Variants in DPYSL3 observed in about 807,000 individuals in gnomAD.
DPYSL3 encodes dihydropyrimidinase like 3.
Under a neutral mutation model 66.1 loss-of-function variants are expected in DPYSL3, and 16 were observed. That is an observed-to-expected ratio of 0.24 (90% CI 0.16 to 0.37). The LOEUF (loss-of-function observed/expected upper bound fraction) is 0.37, where lower values mean the gene tolerates loss of function less well. Ranked by LOEUF, DPYSL3 falls within the 10% of genes least tolerant of loss-of-function variation. The pLI, the probability that DPYSL3 is intolerant of heterozygous loss-of-function variation, is 1.00. For synonymous variants in DPYSL3, 338 were observed against 345.1 expected (o/e 0.98, Z 0.23); for missense variants, 738 against 916.2 (o/e 0.81, Z 2.51).
intron 1 of DPYSL3, among the ~76,000 whole-genome samples, chr5:147,472,372 A>C (rs1429499623): frequency 6.6e-6 from 1 of 152,230 alleles, no homozygotes; most frequent in Admixed American, 6.5e-5. Flanking sequence ...GAAGAAAAAG[A>C]AAAGTCAAGG....
intron 8 of DPYSL3, chr5:147,401,915 T>C (rs1241608463): frequency 2.2e-6 from 1 of 452,858 alleles, no homozygotes; most frequent in African/African-American, 2.1e-5. Flanking sequence ...CCATTGGTTG[T>C]TAGATGCAGT....
Position 147,507,176 on chromosome 5 carries a change from G to T in DPYSL3, c.381+2302C>A, listed in dbSNP as rs1479835661. ...ATTAAGCTGCTGAGAGTTGGGGGTT[G>T]TTTGTTACTATGGCATCACCCAGCC... On this transcript the variant is annotated intron_variant, in intron 1 of 13. Coordinates refer to ENST00000343218, the MANE Select transcript of DPYSL3 (RefSeq NM_001197294.2). Among the ~76,000 whole-genome samples, 11 of 152,238 alleles carry T rather than the reference G, an allele frequency of 7.2e-5. 1 individual carries two copies. The highest frequency in any genetic ancestry group is 5.2e-4 in the Admixed American group (8 of 15,282).
At position 147,510,062 on chromosome 5, in the gene DPYSL3, C is replaced by G; in HGVS notation, c.-204G>C. 1 of 824,298 alleles carries G rather than the reference C, an allele frequency of 1.2e-6. No homozygotes were observed. Among genetic ancestry groups the G allele is most frequent in the South Asian group, 2.1e-5 (1 of 47,876 alleles). The allele number at this position is 824,298 out of a possible 1,614,324, so 51.1% of individuals were successfully genotyped here. On this transcript the variant is annotated 5_prime_UTR_variant, in exon 1 of 14. Coordinates refer to ENST00000343218, the MANE Select transcript of DPYSL3 (RefSeq NM_001197294.2). ...GCCAGCTAGCGCGCGGAGCAGGGGC[C>G]CAGAGTAGCGCCGCGCTTGGCTCAC...
At chr5:147,505,241 G>GTT (rs989075049) in intron 1 of DPYSL3, among the ~76,000 whole-genome samples, 2 of 147,042 alleles carry the variant, frequency 1.4e-5, no homozygotes, top group African/African-American at 5.0e-5. Flanking sequence ...ACTCAGAGAC[G>GTT]TTTTTTTTTT....
intron 13 of DPYSL3, among the ~76,000 whole-genome samples, chr5:147,395,099 A>G (rs1443317281): frequency 6.6e-6 from 1 of 152,246 alleles, no homozygotes; most frequent in Non-Finnish European, 1.5e-5. Context: ...TAGCATTATT[A>G]TAATTACTAG....
intron 1 of DPYSL3, among the ~76,000 whole-genome samples, chr5:147,489,193 T>G (rs774027975): frequency 6.6e-6 from 1 of 152,188 alleles, no homozygotes; most frequent in Non-Finnish European, 1.5e-5. Flanking sequence ...CCTTTTGGAC[T>G]TGACCGGATT....
At chr5:147,467,133 G>A (rs557084709) in intron 1 of DPYSL3, among the ~76,000 whole-genome samples, 2 of 152,084 alleles carry the variant, frequency 1.3e-5, no homozygotes, top group African/African-American at 4.8e-5. Context: ...TTTCACTGGA[G>A]ACATAAACAT....
chr5:147,459,848 C>T (rs927144106), intron 1 of DPYSL3, among the ~76,000 whole-genome samples: 16 of 152,298 alleles, frequency 1.1e-4, no homozygotes, highest in African/African-American at 3.4e-4. Flanking sequence ...CTGTGGCTCA[C>T]GCCTGTAATG....
intron 12 of DPYSL3, among the ~76,000 whole-genome samples, chr5:147,396,568 T>C (rs1214860871): frequency 6.6e-6 from 1 of 152,174 alleles, no homozygotes; most frequent in Non-Finnish European, 1.5e-5. Context: ...CCTCCTTCCC[T>C]GTTAGTGACT....
rs564781290 is a variant in DPYSL3, at chr5:147,394,178, G to C, written c.1967-55C>G. 2.5e-4 allele frequency: 389 copies of C among 1,573,588 alleles called. 1 individual carries two copies. In the South Asian group the frequency reaches 3.3e-3, roughly 14 times the overall value. Reference sequence around the variant, plus strand: ...AAAAAAAAACAGAGTGGCGGGTAGGGGGATGTGGGCAAGAGAGAAACTGGG... The same window carrying C: ...AAAAAAAAACAGAGTGGCGGGTAGGCGGATGTGGGCAAGAGAGAAACTGGG... On this transcript the variant is annotated intron_variant, in intron 13 of 13. Coordinates refer to ENST00000343218, the MANE Select transcript of DPYSL3 (RefSeq NM_001197294.2).
At chr5:147,399,897 T>C (rs1758119279) in intron 10 of DPYSL3, among the ~76,000 whole-genome samples, 1 of 152,190 alleles carries the variant, frequency 6.6e-6, no homozygotes, top group African/African-American at 2.4e-5. Flanking sequence ...ACAATATTTA[T>C]ATTTTCCCTC....
intron 5 of DPYSL3, among the ~76,000 whole-genome samples, chr5:147,413,190 C>T (rs927755478): frequency 5.3e-5 from 8 of 152,138 alleles, no homozygotes; most frequent in African/African-American, 1.9e-4. Flanking sequence ...CTAAAGCAAA[C>T]GCATGTCATG....
At chr5:147,473,173 G>A (rs1054093731) in intron 1 of DPYSL3, 4 of 152,216 alleles carry the variant, frequency 2.6e-5, no homozygotes, top group Admixed American at 1.3e-4. Flanking sequence ...GAGAATAAAT[G>A]AGTAGGTTTC....
chr5:147,465,680 GC>G (rs1430257494), intron 1 of DPYSL3, among the ~76,000 whole-genome samples: 3 of 152,088 alleles, frequency 2.0e-5, no homozygotes, highest in Admixed American at 6.5e-5. Context: ...CTAAAGCCCC[GC>G]CGACCCAGGG....
intron 1 of DPYSL3, among the ~76,000 whole-genome samples, chr5:147,463,138 A>G (rs1191826442): frequency 6.6e-6 from 1 of 152,068 alleles, no homozygotes; most frequent in Non-Finnish European, 1.5e-5. Context: ...GTCATCCACT[A>G]CTTTTGCTCC....
intron 4 of DPYSL3, among the ~76,000 whole-genome samples, chr5:147,414,291 A>G (rs1751918339): frequency 6.6e-6 from 1 of 152,192 alleles, no homozygotes; most frequent in Non-Finnish European, 1.5e-5. Context: ...TCCTACCCTT[A>G]GGGAACTAAT....
intron 1 of DPYSL3, among the ~76,000 whole-genome samples, chr5:147,460,989 G>A (rs982222909): frequency 2.0e-5 from 3 of 152,202 alleles, no homozygotes; most frequent in Admixed American, 2.0e-4. Flanking sequence ...GGCAGATAGA[G>A]TAAAAGAGTC....
chr5:147,404,912 G>C (rs888575384), intron 8 of DPYSL3, among the ~76,000 whole-genome samples: 30 of 151,970 alleles, frequency 2.0e-4, no homozygotes, highest in Non-Finnish European at 3.4e-4. Flanking sequence ...ATCCTGGCCA[G>C]ATTATATCAT....
chr5:147,400,044 T>C (rs17106658), intron 10 of DPYSL3, among the ~76,000 whole-genome samples: 67,344 of 151,626 alleles, frequency 0.44, 15,307 homozygotes, highest in East Asian at 0.55. Context: ...ATACATAACT[T>C]TGATAAGAAT....
Sources: gnomAD v4.1 joint callset for allele counts (sites outside exome capture counted in the v4.1 genomes callset) on GRCh38, gnomAD v4.1.1 for gene constraint, MANE v1.5 for transcripts, NCBI Gene and HGNC (gene_info 2026-07-23, HGNC 2026-07-21) for gene names.